Variants in TRMT11 observed in about 807,000 individuals in gnomAD.
TRMT11 encodes the protein tRNA methyltransferase 11.
Under a neutral mutation model 62.8 loss-of-function variants are expected in TRMT11, and 53 were observed. That is an observed-to-expected ratio of 0.84 (90% CI 0.68 to 1.06). The LOEUF is 1.06. TRMT11 is among the 50% of genes least tolerant of loss of function. TRMT11 has a pLI of 0.00. For missense variants in TRMT11, 556 were observed against 553.4 expected, an observed-to-expected ratio of 1.00 and a Z score of -0.05; for synonymous variants, 188 against 190.3, an observed-to-expected ratio of 0.99 and a Z score of 0.10.
At chr6:126,114,051 A>C (rs1441619478) in intron 18 of TRMT11, among the ~76,000 whole-genome samples, 1 of 152,082 alleles carries the variant, frequency 6.6e-6, no homozygotes, top group Non-Finnish European at 1.5e-5. Context: ...ACATTCAAAA[A>C]TATTTTAAAA....
chr6:126,098,946 C>G (rs979501060), intron 17 of TRMT11, among the ~76,000 whole-genome samples: 1 of 152,146 alleles, frequency 6.6e-6, no homozygotes, highest in African/African-American at 2.4e-5. Flanking sequence ...GATCCATTAA[C>G]TCCACAAATA....
chr6:126,148,025 A>G (rs1380592922), intron 21 of TRMT11, among the ~76,000 whole-genome samples: 1 of 152,150 alleles, frequency 6.6e-6, no homozygotes, highest in Non-Finnish European at 1.5e-5. Context: ...CTGCACATGT[A>G]CCCCAGAACT....
chr6:126,030,866 G>C lies in TRMT11; in HGVS notation c.1261-7839G>C, dbSNP rs184505921. 3.2e-4 allele frequency among the ~76,000 whole-genome samples: 48 copies of C among 152,268 alleles called. No homozygotes were observed. In the East Asian group the frequency reaches 4.6e-3, roughly 15 times the overall value. On this transcript the variant is annotated intron_variant, in intron 12 of 12. Coordinates refer to ENST00000334379, the MANE Select transcript of TRMT11 (RefSeq NM_001031712.3). ...AAATATCTTATTTTTAAAGAATAGT[G>C]ATTTTATAAATTGATGACCATTGTT... is the stretch of plus-strand genomic sequence containing the variant.
At chr6:126,128,027 G>T (rs573581199) in intron 21 of TRMT11, among the ~76,000 whole-genome samples, 1 of 151,950 alleles carries the variant, frequency 6.6e-6, no homozygotes, top group East Asian at 1.9e-4. Context: ...AAAGCCTAGC[G>T]GAATGGATTT....
intron 21 of TRMT11, among the ~76,000 whole-genome samples, chr6:126,171,510 A>G (rs1778329581): frequency 6.6e-6 from 1 of 152,084 alleles, no homozygotes; most frequent in African/African-American, 2.4e-5. Context: ...TAATTATTTC[A>G]GGTTGTTGAA....
At chr6:126,052,964 C>G (rs544850786) in intron 16 of TRMT11, among the ~76,000 whole-genome samples, 52 of 152,270 alleles carry the variant, frequency 3.4e-4, no homozygotes, top group African/African-American at 1.2e-3. Flanking sequence ...GATGAATCAG[C>G]TTTCTGGGGA....
chr6:126,207,408 A>C (rs2128255503), downstream of TRMT11, among the ~76,000 whole-genome samples: 1 of 152,332 alleles, frequency 6.6e-6, no homozygotes. Flanking sequence ...GTAGGTGCAG[A>C]GAGAAGAGCA....
At chr6:126,252,285 C>T in the TRMT11 span, among the ~76,000 whole-genome samples, 3 of 152,250 alleles carry the variant, frequency 2.0e-5, no homozygotes, top group South Asian at 4.1e-4. Flanking sequence ...TGGTATGTGA[C>T]TTGGGATGAC....
In TRMT11 at chr6:126,021,174, T is replaced by C. The variant is rs545491583; in HGVS notation, c.1154T>C (p.Met385Thr). 4 of 1,614,138 alleles carry C rather than the reference T, an allele frequency of 2.5e-6. No homozygotes were observed. The highest frequency in any genetic ancestry group is 2.2e-5 in the East Asian group (1 of 44,868). Residue 385 changes from methionine to threonine, a missense_variant, in exon 12 of 13, where the codon ATG (methionine) becomes ACG (threonine). Coordinates refer to ENST00000334379, the MANE Select transcript of TRMT11 (RefSeq NM_001031712.3). ...PVYTPEYTEE[M>T]VPWHPCLELV... ...TCTTTCTTCAGATACACTGAAGAGA[T>C]GGTGCCTTGGCACCCTTGCCTGGAA...
At chr6:126,263,898 C>T in the TRMT11 span, among the ~76,000 whole-genome samples, 1 of 152,190 alleles carries the variant, frequency 6.6e-6, no homozygotes, top group East Asian at 1.9e-4. Context: ...CTGCATTCAT[C>T]TACCTTTAAA....
At chr6:126,262,042 C>G in the TRMT11 span, among the ~76,000 whole-genome samples, 1 of 152,198 alleles carries the variant, frequency 6.6e-6, no homozygotes, top group South Asian at 2.1e-4. Context: ...CCTGTAGAGG[C>G]AGCATTGCTG....
intron 7 of TRMT11, 100 bp from the exon 8 acceptor site, chr6:126,008,292 T>A: frequency 1.0e-6 from 1 of 987,652 alleles, no homozygotes. Flanking sequence ...TCCAGGATAC[T>A]CTGCCTGCAG....
chr6:126,177,338 A>G (rs926487538), intron 1 of TRMT11: 4 of 152,156 alleles, frequency 2.6e-5, no homozygotes, highest in African/African-American at 9.7e-5. Context: ...TAATGCAGGT[A>G]TATAGTATAT....
At chr6:126,196,236 C>G (rs1206171077) in intron 1 of TRMT11, among the ~76,000 whole-genome samples, 5 of 152,154 alleles carry the variant, frequency 3.3e-5, no homozygotes, top group African/African-American at 9.7e-5. Flanking sequence ...GTACTCTGTA[C>G]TAAAATTGAT....
chr6:126,119,432 G>T (rs7775343), intron 21 of TRMT11, among the ~76,000 whole-genome samples: 15,533 of 150,434 alleles, frequency 0.1, 990 homozygotes, highest in African/African-American at 0.19. Context: ...AGGTCCTGAT[G>T]CCTTAGTGTG....
chr6:126,119,634 A>C (rs138884822), intron 21 of TRMT11, among the ~76,000 whole-genome samples: 1 of 152,234 alleles, frequency 6.6e-6, no homozygotes, highest in East Asian at 1.9e-4. Flanking sequence ...TGAGGACTCA[A>C]ATATGCCTGT....
At chr6:126,110,530 C>A (rs903545834) in intron 17 of TRMT11, among the ~76,000 whole-genome samples, 3 of 152,132 alleles carry the variant, frequency 2.0e-5, no homozygotes, top group Non-Finnish European at 2.9e-5. Flanking sequence ...ATTTTAATCC[C>A]TTTCTTCTTC....
rs188513747 is a variant in TRMT11 at position 126,188,521 on chromosome 6, T to C, written n.144-10278T>C. On this transcript the variant is annotated intron_variant and non_coding_transcript_variant, in intron 1 of 3. Coordinates refer to the TRMT11 transcript ENST00000444229. ...TATGGAGCAACTGGAATCAGATCAGTGCTATTGTGAAATGAGTTTCAATTT... is the reference window on the plus strand; with the variant it reads ...TATGGAGCAACTGGAATCAGATCAGCGCTATTGTGAAATGAGTTTCAATTT... Among the ~76,000 whole-genome samples the C allele has an allele frequency of 4.6e-3, 705 of 152,238 alleles. 7 individuals are homozygous for C. Among genetic ancestry groups the C allele is most frequent in the African/African-American group, 0.015 (633 of 41,562 alleles).
At chr6:126,234,664 A>G in the TRMT11 span, among the ~76,000 whole-genome samples, 32 of 152,264 alleles carry the variant, frequency 2.1e-4, no homozygotes, top group Non-Finnish European at 4.3e-4. Context: ...TTAATAATAC[A>G]TTTCTCTAAA....
Sources: gnomAD v4.1 joint callset for allele counts (sites outside exome capture counted in the v4.1 genomes callset) on GRCh38, gnomAD v4.1.1 for gene constraint, MANE v1.5 for transcripts, NCBI Gene and HGNC (gene_info 2026-07-23, HGNC 2026-07-21) for gene names.